ASPH: variants seen among roughly 807,000 people sequenced by gnomAD.
ASPH encodes the protein aspartate beta-hydroxylase.
ASPH carries 100 observed loss-of-function variants against 118.4 expected under a neutral mutation model. That is an observed-to-expected ratio of 0.84 (90% CI 0.72 to 1.00). ASPH has a LOEUF of 1.00. Among genes scored for constraint, ASPH ranks in the 50% least tolerant of loss-of-function variants. ASPH has a pLI of 0.00. For synonymous variants in ASPH, 315 were observed against 325.6 expected (o/e 0.97, Z 0.35); for missense variants, 920 against 919.5 (o/e 1.00, Z -0.01).
At chr8:61,704,152 G>A (rs1253687691) in intron 1 of ASPH, among the ~76,000 whole-genome samples, 3 of 117,836 alleles carry the variant, frequency 2.5e-5, no homozygotes, top group Admixed American at 1.2e-4. Flanking sequence ...CCGAGATCCC[G>A]CCACTGCACT....
chr8:61,529,468 G>A (rs1045182483), intron 21 of ASPH, among the ~76,000 whole-genome samples: 2 of 152,176 alleles, frequency 1.3e-5, no homozygotes, highest in Admixed American at 1.3e-4. Flanking sequence ...AGTTAAACCT[G>A]ATGACATGTG....
intron 14 of ASPH, among the ~76,000 whole-genome samples, chr8:61,617,272 A>G (rs897914101): frequency 1.3e-5 from 2 of 152,308 alleles, no homozygotes; most frequent in South Asian, 4.1e-4. Context: ...GATGAGAAAC[A>G]TCCATCCAAA....
At chr8:61,503,656 C>A in intron 24 of ASPH, 147 bp from the exon 25 acceptor site, 1 of 745,512 alleles carries the variant, frequency 1.3e-6, no homozygotes, top group East Asian at 3.0e-5. Context: ...CAAGTTTATT[C>A]TTCCCTTGAT....
intron 5 of ASPH, among the ~76,000 whole-genome samples, chr8:61,648,265 A>G (rs1373665910): frequency 6.6e-6 from 1 of 152,220 alleles, no homozygotes; most frequent in African/African-American, 2.4e-5. Context: ...TTGTACTGCT[A>G]CTGAATCCCC....
At chr8:61,710,719 G>A (rs1022320990) in intron 1 of ASPH, among the ~76,000 whole-genome samples, 1 of 152,168 alleles carries the variant, frequency 6.6e-6, no homozygotes, top group Non-Finnish European at 1.5e-5. Flanking sequence ...GGAGGATTAA[G>A]CAATTGGCTC....
chr8:61,701,943 T>G (rs1461485735), intron 1 of ASPH, among the ~76,000 whole-genome samples: 2 of 152,230 alleles, frequency 1.3e-5, no homozygotes, highest in African/African-American at 4.8e-5. Context: ...AAACTTAGTA[T>G]TTAGTCATTT....
intron 3 of ASPH, among the ~76,000 whole-genome samples, chr8:61,674,483 A>G (rs184589456): frequency 6.6e-6 from 1 of 152,356 alleles, no homozygotes; most frequent in African/African-American, 2.4e-5. Flanking sequence ...AAGACAAACA[A>G]GAGCTTTAAT....
At chr8:61,634,549 T>G (rs548398925) in intron 12 of ASPH, among the ~76,000 whole-genome samples, 68 of 152,316 alleles carry the variant, frequency 4.5e-4, no homozygotes, top group South Asian at 2.5e-3. Context: ...TTTGGAAATA[T>G]TTCACATAAA....
intron 24 of ASPH, among the ~76,000 whole-genome samples, chr8:61,508,945 T>A (rs1467742438): frequency 6.6e-6 from 1 of 152,230 alleles, no homozygotes; most frequent in Non-Finnish European, 1.5e-5. Flanking sequence ...CAGTTCAGAC[T>A]CCATTGAAAG....
chr8:61,646,639 A>G (rs1808126578), intron 6 of ASPH, 111 bp downstream of exon 6: 15 of 1,242,450 alleles, frequency 1.2e-5, no homozygotes, highest in Non-Finnish European at 1.5e-5. Context: ...TCAACTTTTA[A>G]AAATCTAAGC....
chr8:61,581,075 G>A (rs960482874), intron 15 of ASPH, among the ~76,000 whole-genome samples: 2 of 152,188 alleles, frequency 1.3e-5, no homozygotes, highest in African/African-American at 4.8e-5. Context: ...AGATATTCCT[G>A]CTTGACACTG....
At chr8:61,580,545 C>T (rs187515603) in intron 15 of ASPH, among the ~76,000 whole-genome samples, 8 of 152,270 alleles carry the variant, frequency 5.3e-5, no homozygotes, top group African/African-American at 1.2e-4. Context: ...TTTGTTCTCT[C>T]GCAGTTTTGC....
intron 13 of ASPH, chr8:61,628,258 C>G (rs1347034720): frequency 3.3e-6 from 1 of 298,920 alleles, no homozygotes; most frequent in African/African-American, 2.3e-5. Context: ...CTCCTGGACT[C>G]AAGGAATTCT....
chr8:61,526,886 G>C lies in ASPH; in HGVS notation c.1765-774C>G, dbSNP rs569258476. On this transcript the variant is annotated intron_variant, in intron 21 of 24. Coordinates refer to ENST00000379454, the MANE Select transcript of ASPH (RefSeq NM_004318.4). Reference sequence around the variant, plus strand: ...TGGGTAGGGGAGAAGGCAAAGGTGAGGATCTGAGCAGCAAACTAAGATGGA... The same window carrying C: ...TGGGTAGGGGAGAAGGCAAAGGTGACGATCTGAGCAGCAAACTAAGATGGA... Among the ~76,000 whole-genome samples, 6 of 152,236 alleles carry C rather than the reference G, an allele frequency of 3.9e-5. No homozygotes were observed. The East Asian group carries it at 1.2e-3, about 29-fold the overall frequency.
intron 8 of ASPH, 26 bp downstream of exon 8, chr8:61,643,919 T>A: frequency 1.3e-6 from 2 of 1,589,780 alleles, no homozygotes; most frequent in South Asian, 1.1e-5. Context: ...AGAAAACACA[T>A]ATCAATAATT....
chr8:61,588,345 A>T (rs1563931358), intron 14 of ASPH, among the ~76,000 whole-genome samples: 1 of 152,258 alleles, frequency 6.6e-6, no homozygotes, highest in Non-Finnish European at 1.5e-5. Context: ...AGGATAGCTG[A>T]AGGCAGGAGG....
At chr8:61,660,883 T>C (rs1301588697) in intron 3 of ASPH, 1 of 152,014 alleles carries the variant, frequency 6.6e-6, no homozygotes, top group Non-Finnish European at 1.5e-5. Context: ...AAAAAAAAAA[T>C]CTCTGAAGAC....
intron 14 of ASPH, chr8:61,607,237 TA>T: frequency 1.4e-6 from 1 of 699,876 alleles, no homozygotes; most frequent in South Asian, 1.5e-5. Flanking sequence ...TTCCATTCTT[TA>T]AGAAGGGTCA....
At chr8:61,608,268 C>T (rs1167268676) in intron 14 of ASPH, among the ~76,000 whole-genome samples, 1 of 152,142 alleles carries the variant, frequency 6.6e-6, no homozygotes, top group South Asian at 2.1e-4. Flanking sequence ...GCACGGTTTG[C>T]TAAAGGAATG....
Sources: allele counts gnomAD v4.1 joint callset (sites outside exome capture counted in the v4.1 genomes callset), GRCh38; gene constraint gnomAD v4.1.1; transcripts MANE v1.5; gene names NCBI Gene and HGNC (gene_info 2026-07-23, HGNC 2026-07-21).